ACOX1: variants seen among roughly 807,000 people sequenced by gnomAD.
ACOX1 encodes the protein peroxisomal acyl-coenzyme A oxidase 1.
ACOX1 carries 41 observed loss-of-function variants against 75.5 expected under a neutral mutation model. That is an observed-to-expected ratio of 0.54 (90% confidence interval 0.42 to 0.70). The LOEUF is 0.70. Among genes scored for constraint, ACOX1 ranks in the 30% least tolerant of loss-of-function variants. The pLI, the probability that ACOX1 is intolerant of heterozygous loss-of-function variation, is 0.00. For synonymous variants in ACOX1, 303 were observed against 298.8 expected (o/e 1.01, Z -0.15); for missense variants, 630 against 837.5 (o/e 0.75, Z 3.06).
chr17:75,976,082 A>G (rs1259661446), intron 2 of ACOX1, among the ~76,000 whole-genome samples: 2 of 152,214 alleles, frequency 1.3e-5, no homozygotes, highest in Non-Finnish European at 2.9e-5. Flanking sequence ...CGATGAGATT[A>G]TATAACCGAG....
At position 75,964,305 on chromosome 17, in the gene ACOX1, A is replaced by G. The variant is rs185971355; in HGVS notation, c.270-3930T>C. Among the ~76,000 whole-genome samples, 456 of 152,314 alleles carry G rather than the reference A, an allele frequency of 3.0e-3. 3 individuals carry two copies. The highest frequency in any genetic ancestry group is 5.4e-3 in the Non-Finnish European group (367 of 68,026). On this transcript the variant is annotated intron_variant, in intron 2 of 13. Coordinates refer to ENST00000293217, the MANE Select transcript of ACOX1 (RefSeq NM_004035.7). ...GCCTTTTGAGTACTGTCTAGGAAGA[A>G]AATTCAATGTGCACTTAGAACCTGG...
chr17:75,963,646 G>A (rs1237695243), intron 2 of ACOX1, among the ~76,000 whole-genome samples: 3 of 151,578 alleles, frequency 2.0e-5, no homozygotes, highest in Admixed American at 6.6e-5. Flanking sequence ...TGCAGTGAAC[G>A]GAGATCGTGC....
At chr17:75,949,110 T>C in intron 12 of ACOX1, 107 bp downstream of exon 12, 1 of 1,339,844 alleles carries the variant, frequency 7.5e-7, no homozygotes, top group East Asian at 2.3e-5. Context: ...CGTACCCGCC[T>C]TGGGCTCCCA....
chr17:75,976,299 T>C (rs2066049818), intron 2 of ACOX1, among the ~76,000 whole-genome samples: 1 of 152,164 alleles, frequency 6.6e-6, no homozygotes, highest in African/African-American at 2.4e-5. Context: ...ATAAAAGACT[T>C]TGTTCTATTT....
Position 75,955,895 on chromosome 17 carries a change from C to T in ACOX1, c.591G>A (p.Gly197=), listed in dbSNP as rs75808808. ...TAAAGGCATGTAATCCATAGCATTT[C>T]CCCTTAGTGATGAGCTGGGCAAGAA... The part of the protein sequence containing the change: ...AIVLAQLITK[G]KCYGLHAFIV... Residue 197 remains glycine (G), a synonymous_variant, in exon 5 of 14, where the codon GGG becomes GGA. Transcript: ENST00000293217. 3.9e-3 allele frequency: 6,312 copies of T among 1,614,082 alleles called. 174 individuals are homozygous for T. In the African/African-American group the frequency reaches 0.065, roughly 17 times the overall value.
At chr17:75,967,708 A>C (rs1004333108) in intron 2 of ACOX1, among the ~76,000 whole-genome samples, 1 of 134,216 alleles carries the variant, frequency 7.5e-6, no homozygotes, top group Non-Finnish European at 1.6e-5. Flanking sequence ...ATATATATAC[A>C]TATATATATA....
intron 2 of ACOX1, among the ~76,000 whole-genome samples, chr17:75,974,106 T>C (rs1213184606): frequency 6.6e-6 from 1 of 152,110 alleles, no homozygotes; most frequent in Non-Finnish European, 1.5e-5. Flanking sequence ...GTTGGTGTTA[T>C]TTGCTGGTTT....
chr17:75,948,539 G>A (rs762002442), intron 12 of ACOX1, 82 bp from the exon 13 acceptor site: 307 of 1,212,626 alleles, frequency 2.5e-4, no homozygotes, highest in Non-Finnish European at 2.9e-4. Flanking sequence ...GCTATAAAGC[G>A]GATGACAATT....
intron 2 of ACOX1, among the ~76,000 whole-genome samples, chr17:75,965,546 T>C (rs1488548585): frequency 1.3e-5 from 2 of 150,294 alleles, no homozygotes; most frequent in African/African-American, 2.4e-5. Context: ...TCAGAATTCA[T>C]CTAGAATAAG....
intron 2 of ACOX1, among the ~76,000 whole-genome samples, chr17:75,971,740 T>G (rs1205317597): frequency 2.2e-5 from 2 of 89,384 alleles, no homozygotes; most frequent in African/African-American, 1.3e-4. Context: ...AGACTCTGAC[T>G]CAAAAAAAAA....
intron 2 of ACOX1, among the ~76,000 whole-genome samples, chr17:75,962,736 A>G (rs981392215): frequency 6.6e-6 from 1 of 152,210 alleles, no homozygotes; most frequent in African/African-American, 2.4e-5. Context: ...AGATGAATTA[A>G]ATGCCTTGCT....
chr17:75,962,218 G>A (rs1319570094), intron 2 of ACOX1, among the ~76,000 whole-genome samples: 2 of 152,120 alleles, frequency 1.3e-5, no homozygotes, highest in African/African-American at 2.4e-5. Context: ...GCAATTTCTA[G>A]TGAAGACCAT....
chr17:75,957,479 A>C lies in ACOX1; in HGVS notation c.518T>G (p.Ile173Ser). Residue 173 changes from isoleucine to serine, a missense_variant, in exon 4 of 14, where the codon ATT (isoleucine) becomes AGT (serine). Physicochemically the swap from Ile to Ser is moderately radical, Grantham distance 142. Transcript: ENST00000293217. ...FILNSPTVTS[I>S]KWWPGGLGKT... ...CTTACGCCCACCAGGCCACCATTTA[A>C]TGGAGGTCACAGTAGGACTGTTGAG... is the stretch of plus-strand genomic sequence containing the variant. The C allele has an allele frequency of 6.2e-7, 1 of 1,614,056 alleles. No homozygotes were observed. Among genetic ancestry groups the C allele is most frequent in the Non-Finnish European group, 8.5e-7 (1 of 1,179,930 alleles).
At chr17:75,948,862 CTTT>C (rs34512190) in intron 12 of ACOX1, among the ~76,000 whole-genome samples, 3 of 125,218 alleles carry the variant, frequency 2.4e-5, no homozygotes, top group Non-Finnish European at 1.7e-5. Flanking sequence ...TTTTCTTTTT[CTTT>C]TTTTTTTTTT....
chr17:75,957,434 A>AAT (rs2065843837), intron 4 of ACOX1, 25 bp downstream of exon 4: 1 of 1,577,138 alleles, frequency 6.3e-7, no homozygotes, highest in Non-Finnish European at 8.7e-7. Context: ...CAAAACATCC[A>AAT]ATAAATGCTG....
At position 75,960,323 on chromosome 17, in the gene ACOX1, G is replaced by A; in HGVS notation, c.322C>T (p.Leu108=). ...GTTGCCTGGTGAAGCAAGGTGGGCAGGAACATGCCCAAGTGAAGATCCAGA... is the reference window on the plus strand; with the variant it reads ...GTTGCCTGGTGAAGCAAGGTGGGCAAGAACATGCCCAAGTGAAGATCCAGA... The part of the protein sequence containing the change: ...EPLDLHLGMF[L]PTLLHQATAE... Residue 108 remains leucine (L), a synonymous_variant, in exon 3 of 14, where the codon CTG becomes TTG. Coordinates refer to ENST00000293217, the MANE Select transcript of ACOX1 (RefSeq NM_004035.7). This position sits in a 1 kb window ranked among gnomAD's most constrained non-coding sequence, Gnocchi z 4.4. 6.2e-7 allele frequency: 1 copy of A among 1,614,206 alleles called. No individual in the cohort carries two copies. Among genetic ancestry groups the A allele is most frequent in the Non-Finnish European group, 8.5e-7 (1 of 1,180,038 alleles).
chr17:75,969,894 C>A (rs185492737), intron 2 of ACOX1, among the ~76,000 whole-genome samples: 2 of 151,992 alleles, frequency 1.3e-5, no homozygotes, highest in African/African-American at 2.4e-5. Context: ...AGAAAGAGAG[C>A]GAGAAAGAGG....
chr17:75,957,362 C>A, intron 4 of ACOX1, 97 bp downstream of exon 4: 1 of 1,138,054 alleles, frequency 8.8e-7, no homozygotes, highest in Non-Finnish European at 1.3e-6. Flanking sequence ...ATTTCACCAC[C>A]AAGTCTGGCC....
intron 13 of ACOX1, among the ~76,000 whole-genome samples, chr17:75,947,711 C>CTT (rs34884157): frequency 3.6e-4 from 49 of 134,866 alleles, no homozygotes; most frequent in East Asian, 6.5e-4. Flanking sequence ...TGTGTGTATA[C>CTT]TTTTTTTTTT....
Sources: allele counts gnomAD v4.1 joint callset (sites outside exome capture counted in the v4.1 genomes callset), GRCh38; gene constraint gnomAD v4.1.1; non-coding constraint Gnocchi (gnomAD v3.1); transcripts MANE v1.5; gene names NCBI Gene and HGNC (gene_info 2026-07-23, HGNC 2026-07-21).